Variants in PPP3R1 observed in about 807,000 individuals in gnomAD.
PPP3R1 encodes protein phosphatase 3 regulatory subunit B, alpha, also known as calcineurin subunit B type 1.
A neutral mutation model predicts 22.6 loss-of-function variants in PPP3R1; 5 were observed. The ratio of observed to expected loss-of-function variants is 0.22; its 90% CI spans 0.12 to 0.46. The LOEUF (loss-of-function observed/expected upper bound fraction) is 0.46. Ranked by LOEUF, PPP3R1 falls within the 20% of genes least tolerant of loss-of-function variation. The pLI, the probability that PPP3R1 is intolerant of heterozygous loss-of-function variation, is 0.99. For synonymous variants in PPP3R1, 56 were observed against 65.2 expected (o/e 0.86, Z 0.68); for missense variants, 61 against 203.2 (o/e 0.30, Z 4.25).
chr2:68,193,952 C>A (rs1674718716), intron 2 of PPP3R1, among the ~76,000 whole-genome samples: 1 of 151,972 alleles, frequency 6.6e-6, no homozygotes, highest in Non-Finnish European at 1.5e-5. Flanking sequence ...AAGAGATGGA[C>A]AAGGAAAAAC....
At chr2:68,185,096 G>A (rs1674506736) in intron 5 of PPP3R1, among the ~76,000 whole-genome samples, 1 of 151,960 alleles carries the variant, frequency 6.6e-6, no homozygotes, top group Admixed American at 6.6e-5. Context: ...GCATGTGCCT[G>A]TAATCCCAGC....
intron 1 of PPP3R1, among the ~76,000 whole-genome samples, chr2:68,236,351 G>A (rs1159510933): frequency 6.6e-6 from 1 of 152,192 alleles, no homozygotes; most frequent in Non-Finnish European, 1.5e-5. Context: ...TGGTGCAACA[G>A]ACTGTATGGC....
intron 2 of PPP3R1, among the ~76,000 whole-genome samples, chr2:68,193,469 A>C (rs1674707354): frequency 6.6e-6 from 1 of 152,158 alleles, no homozygotes; most frequent in South Asian, 2.1e-4. Flanking sequence ...GAGCAACTAG[A>C]GGAATCCATA....
At position 68,252,462 on chromosome 2, in the gene PPP3R1, G is replaced by A. The variant is rs1024318139; in HGVS notation, c.-335C>T. The A allele has an allele frequency of 2.0e-6, 2 of 989,158 alleles. No individual in the cohort carries two copies. The highest frequency in any genetic ancestry group is 3.5e-5 in the African/African-American group (2 of 57,208). The allele number at this position is 989,158 out of a possible 1,614,324, so 61.3% of individuals were successfully genotyped here. ...ACGGCCGGGAAACTCGGGGGCTGCA[G>A]CCTCGCGCTCGCGCCGGAGCCGTGA... is the stretch of plus-strand genomic sequence containing the variant. On this transcript the variant is annotated 5_prime_UTR_variant, in exon 1 of 6. Transcript: ENST00000234310.
At chr2:68,187,222 A>G in intron 4 of PPP3R1, 33 bp downstream of exon 4, 5 of 1,510,880 alleles carry the variant, frequency 3.3e-6, no homozygotes, top group Non-Finnish European at 4.6e-6. Flanking sequence ...ATGGTAGTAT[A>G]AGAGAATGAA....
intron 1 of PPP3R1, among the ~76,000 whole-genome samples, chr2:68,229,886 GTA>G (rs747692203): frequency 1.3e-5 from 2 of 150,820 alleles, no homozygotes; most frequent in African/African-American, 4.9e-5. Flanking sequence ...ATGTATGTGT[GTA>G]TATATATATA....
intron 1 of PPP3R1, among the ~76,000 whole-genome samples, chr2:68,249,694 T>C (rs1353907688): frequency 6.9e-6 from 1 of 145,370 alleles, no homozygotes; most frequent in Non-Finnish European, 1.5e-5. Context: ...AAAACTCAAA[T>C]AAGGGTGAAG....
intron 1 of PPP3R1, among the ~76,000 whole-genome samples, chr2:68,240,415 G>C (rs1353234237): frequency 1.3e-5 from 2 of 152,134 alleles, no homozygotes; most frequent in Non-Finnish European, 2.9e-5. Flanking sequence ...CTTGTATGAA[G>C]ATTTTTTCCT....
At chr2:68,242,010 G>A (rs1313651906) in intron 1 of PPP3R1, among the ~76,000 whole-genome samples, 1 of 152,114 alleles carries the variant, frequency 6.6e-6, no homozygotes, top group Admixed American at 6.5e-5. Context: ...TTGTGTACTC[G>A]TAGATATTGT....
At chr2:68,191,605 A>C (rs1674670355) in intron 2 of PPP3R1, among the ~76,000 whole-genome samples, 1 of 152,232 alleles carries the variant, frequency 6.6e-6, no homozygotes, top group African/African-American at 2.4e-5. Context: ...CTCGTTGTTA[A>C]GTGACACATG....
intron 1 of PPP3R1, among the ~76,000 whole-genome samples, chr2:68,220,456 G>A (rs1669667412): frequency 6.6e-6 from 1 of 152,206 alleles, no homozygotes. Context: ...GGCCAAACTG[G>A]AGAAACTTGT....
In PPP3R1 at chr2:68,180,529, G is replaced by A. The variant is rs1004234966; in HGVS notation, c.*434C>T. 14 of 152,688 alleles carry A rather than the reference G, an allele frequency of 9.2e-5. No individual in the cohort carries two copies. Among genetic ancestry groups the A allele is most frequent in the Non-Finnish European group, 4.4e-5 (3 of 68,152 alleles). 9.5% of individuals were successfully genotyped at this position (152,688 alleles called of 1,614,324 possible). A position where few individuals can be genotyped will look rare whatever the true frequency, so the allele number is the denominator to read the frequency against. On this transcript the variant is annotated 3_prime_UTR_variant, in exon 6 of 6. Transcript: ENST00000234310. The stretch of plus-strand genomic sequence containing the variant: ...TGAAATAAAAGTAAGGATGTTTTAT[G>A]TTCTGCTTGGCACTTTTGTACTCTA...
At chr2:68,183,266 G>A (rs1250644892) in intron 5 of PPP3R1, among the ~76,000 whole-genome samples, 1 of 152,208 alleles carries the variant, frequency 6.6e-6, no homozygotes, top group Non-Finnish European at 1.5e-5. Context: ...TGTTCTTGTG[G>A]GTTTCCCACA....
intron 1 of PPP3R1, among the ~76,000 whole-genome samples, chr2:68,238,267 G>A (rs1670053890): frequency 1.3e-5 from 2 of 152,102 alleles, no homozygotes; most frequent in African/African-American, 2.4e-5. Flanking sequence ...TAGGAGGGCA[G>A]GCAATTAAAC....
In PPP3R1 at chr2:68,232,159, A is replaced by G. The variant is rs1386899163; in HGVS notation, c.4-15028T>C. 3.1e-4 allele frequency among the ~76,000 whole-genome samples: 35 copies of G among 114,154 alleles called. 1 individual carries two copies. Among genetic ancestry groups the G allele is most frequent in the African/African-American group, 1.2e-3 (35 of 29,572 alleles). 74.9% of individuals were successfully genotyped at this position (114,154 alleles called of 152,430 possible). The stretch of plus-strand genomic sequence containing the variant: ...CACACATATATATGTATATATATAT[A>G]CATATATAAATACATATATACGTAT... On this transcript the variant is annotated intron_variant, in intron 1 of 5. Transcript: ENST00000234310.
intron 1 of PPP3R1, among the ~76,000 whole-genome samples, chr2:68,249,831 C>T (rs1670308520): frequency 6.6e-6 from 1 of 151,956 alleles, no homozygotes; most frequent in South Asian, 2.1e-4. Context: ...TTTTACTTTC[C>T]ATACTTGAAT....
intron 5 of PPP3R1, among the ~76,000 whole-genome samples, chr2:68,181,347 C>T (rs767679462): frequency 4.0e-5 from 6 of 149,950 alleles, no homozygotes; most frequent in South Asian, 4.2e-4. Context: ...GAGCCTATAT[C>T]GCGCCACTGC....
At position 68,180,567 on chromosome 2, in the gene PPP3R1, T is replaced by A. The variant is rs1674380107; in HGVS notation, c.*396A>T. 6.5e-6 allele frequency: 1 copy of A among 153,306 alleles called. No individual in the cohort carries two copies. The highest frequency in any genetic ancestry group is 2.4e-5 in the African/African-American group (1 of 41,462). The allele number at this position is 153,306 out of a possible 1,614,324, so 9.5% of individuals were successfully genotyped here. ...CTTTTGTACTCTATTGTTTTGTTTC[T>A]GAATCAAGTATATTAAATTAAAGCC... On this transcript the variant is annotated 3_prime_UTR_variant, in exon 6 of 6. Coordinates refer to ENST00000234310, the MANE Select transcript of PPP3R1 (RefSeq NM_000945.4).
intron 1 of PPP3R1, among the ~76,000 whole-genome samples, chr2:68,224,435 T>C (rs2103782129): frequency 6.6e-6 from 1 of 151,882 alleles, no homozygotes; most frequent in Non-Finnish European, 1.5e-5. Context: ...CCGAGGCGAG[T>C]GGATCACTTG....
Sources: gnomAD v4.1 joint callset for allele counts (sites outside exome capture counted in the v4.1 genomes callset) on GRCh38, gnomAD v4.1.1 for gene constraint, MANE v1.5 for transcripts, NCBI Gene and HGNC (gene_info 2026-07-23, HGNC 2026-07-21) for gene names.